DLG2: variants seen among roughly 807,000 people sequenced by gnomAD.
DLG2 encodes disks large homolog 2.
In DLG2, 45 loss-of-function variants were observed where a neutral mutation model predicts 132.5. That is an observed-to-expected ratio of 0.34 (90% CI 0.27 to 0.44). The LOEUF is 0.44. Ranked by LOEUF, DLG2 falls within the 20% of genes least tolerant of loss-of-function variation. The probability of loss-of-function intolerance (pLI) is 1.00; values close to 1 mark genes in which losing one functional copy is unlikely to be tolerated. For synonymous variants in DLG2, 424 were observed against 419.6 expected, an observed-to-expected ratio of 1.01 and a Z score of -0.13; for missense variants, 1,045 against 1,196.9, an observed-to-expected ratio of 0.87 and a Z score of 1.87.
At chr11:85,393,391 C>G (rs1843207) in intron 3 of DLG2, among the ~76,000 whole-genome samples, 116,559 of 152,060 alleles carry the variant, frequency 0.77, 45,234 homozygotes, top group Middle Eastern at 0.86. Flanking sequence ...AATACAACTA[C>G]TATGGAAAAC....
chr11:83,719,336 A>G (rs1485414948), intron 18 of DLG2, among the ~76,000 whole-genome samples: 3 of 152,158 alleles, frequency 2.0e-5, no homozygotes, highest in African/African-American at 7.2e-5. Context: ...ATCTTGAGAG[A>G]TTTGAACATA....
At chr11:85,191,191 C>CAA (rs2080539545) in intron 4 of DLG2, among the ~76,000 whole-genome samples, 1 of 151,594 alleles carries the variant, frequency 6.6e-6, no homozygotes, top group Admixed American at 6.6e-5. Flanking sequence ...CACACACACA[C>CAA]ACACACACAC....
chr11:85,628,340 G>A (rs1331979161), upstream of DLG2, among the ~76,000 whole-genome samples: 1 of 152,228 alleles, frequency 6.6e-6, no homozygotes, highest in Non-Finnish European at 1.5e-5. Flanking sequence ...AAGAGATCAG[G>A]GAGCTAAGCT....
chr11:84,312,953 G>A (rs1348296307), intron 7 of DLG2, among the ~76,000 whole-genome samples: 2 of 150,672 alleles, frequency 1.3e-5, no homozygotes, highest in Non-Finnish European at 3.0e-5. Context: ...GGGACTACAG[G>A]TGCCCGCCAC....
At chr11:85,378,426 C>T (rs892425383) in intron 3 of DLG2, among the ~76,000 whole-genome samples, 1 of 152,034 alleles carries the variant, frequency 6.6e-6, no homozygotes, top group East Asian at 1.9e-4. Context: ...ACTGTTTTGA[C>T]CTTCAGTTTC....
chr11:83,859,637 G>C (rs1447663253), intron 16 of DLG2, among the ~76,000 whole-genome samples: 1 of 152,194 alleles, frequency 6.6e-6, no homozygotes, highest in African/African-American at 2.4e-5. Flanking sequence ...GTTTGACAAT[G>C]GGATAGAAAA....
chr11:83,865,522 AAGG>A (rs564081039), intron 16 of DLG2, among the ~76,000 whole-genome samples: 125 of 152,212 alleles, frequency 8.2e-4, no homozygotes, highest in African/African-American at 2.8e-3. Context: ...GACTAAGAGA[AAGG>A]AGGAGGAGAA....
chr11:85,276,889 T>A (rs2077923720), intron 4 of DLG2, among the ~76,000 whole-genome samples: 1 of 152,192 alleles, frequency 6.6e-6, no homozygotes, highest in Non-Finnish European at 1.5e-5. Context: ...AGTGAAACAC[T>A]TGAGCAAGTC....
chr11:83,833,173 C>G (rs1043890103), intron 17 of DLG2, among the ~76,000 whole-genome samples: 1 of 152,180 alleles, frequency 6.6e-6, no homozygotes, highest in Non-Finnish European at 1.5e-5. Flanking sequence ...CTTGATGGCT[C>G]ATGCCTGTAA....
At chr11:83,675,344 T>C (rs2077499768) in intron 18 of DLG2, among the ~76,000 whole-genome samples, 1 of 152,212 alleles carries the variant, frequency 6.6e-6, no homozygotes, top group African/African-American at 2.4e-5. Flanking sequence ...ACCATACAAT[T>C]AGCAAACACA....
chr11:84,915,913 TA>T (rs2092425617), intron 6 of DLG2, among the ~76,000 whole-genome samples: 1 of 152,146 alleles, frequency 6.6e-6, no homozygotes, highest in Non-Finnish European at 1.5e-5. Flanking sequence ...TGCCCTCAAG[TA>T]GCTTATAGTT....
chr11:83,834,490 A>G (rs1045319758), intron 16 of DLG2, among the ~76,000 whole-genome samples: 4 of 152,202 alleles, frequency 2.6e-5, no homozygotes, highest in African/African-American at 9.7e-5. Context: ...TGACTCAGAC[A>G]TTGGAAAAAG....
chr11:84,252,238 G>A (rs533567826), intron 7 of DLG2, among the ~76,000 whole-genome samples: 7 of 130,632 alleles, frequency 5.4e-5, no homozygotes, highest in African/African-American at 2.1e-4. Flanking sequence ...TGCAACCTCT[G>A]CCTCCCCAGT....
intron 18 of DLG2, among the ~76,000 whole-genome samples, chr11:83,715,317 A>C (rs555058277): frequency 6.6e-6 from 1 of 152,214 alleles, no homozygotes; most frequent in Admixed American, 6.5e-5. Flanking sequence ...ACTGTGAATA[A>C]TTTAATTTGA....
rs1431157569 is a variant in DLG2 at position 84,115,573 on chromosome 11, T to C, written c.625-16526A>G. ...CTTCTCCCTTACTAGACTGCAATTA[T>C]CATGTCCCCTTTTATGGTCCTCCAA... On this transcript the variant is annotated intron_variant, in intron 9 of 27. Coordinates refer to ENST00000376104, the MANE Select transcript of DLG2 (RefSeq NM_001142699.3). Among the ~76,000 whole-genome samples the C allele has an allele frequency of 7.9e-5, 12 of 152,224 alleles. No homozygotes were observed. In the East Asian group the frequency reaches 2.1e-3, roughly 27 times the overall value.
intron 6 of DLG2, among the ~76,000 whole-genome samples, chr11:84,784,375 A>G (rs1012491094): frequency 6.6e-6 from 1 of 150,688 alleles, no homozygotes; most frequent in African/African-American, 2.4e-5. Flanking sequence ...TAAATTAAAC[A>G]AGAGTATAGA....
rs766799446 is a variant in DLG2 at position 83,469,188 on chromosome 11, T to C, written c.2619+13A>G. ...CTTCTTCAGGGGAGGTGTAAGAAGA[T>C]TGGTGAACATACTCTTTCTGCTACA... On this transcript the variant is annotated intron_variant, in intron 25 of 27. Coordinates refer to ENST00000376104, the MANE Select transcript of DLG2 (RefSeq NM_001142699.3). The C allele has an allele frequency of 5.7e-6, 9 of 1,586,748 alleles. No individual in the cohort carries two copies. The highest frequency in any genetic ancestry group is 1.4e-5 in the African/African-American group (1 of 73,502).
At chr11:83,858,292 G>A (rs899887572) in intron 16 of DLG2, among the ~76,000 whole-genome samples, 3 of 152,142 alleles carry the variant, frequency 2.0e-5, no homozygotes, top group African/African-American at 4.8e-5. Context: ...AAACCACACT[G>A]CAAAAGGTGC....
At chr11:84,653,020 C>T (rs2099683983) in intron 6 of DLG2, among the ~76,000 whole-genome samples, 1 of 151,856 alleles carries the variant, frequency 6.6e-6, no homozygotes, top group African/African-American at 2.4e-5. Flanking sequence ...CAACCTCTAC[C>T]TCCCGGGTCC....
Sources: gnomAD v4.1 joint callset for allele counts (sites outside exome capture counted in the v4.1 genomes callset) on GRCh38, gnomAD v4.1.1 for gene constraint, MANE v1.5 for transcripts, NCBI Gene and HGNC (gene_info 2026-07-23, HGNC 2026-07-21) for gene names.